Variants in PNKD observed in about 807,000 individuals in gnomAD.
The protein encoded by PNKD is PNKD metallo-beta-lactamase domain containing, also known as probable thioesterase PNKD.
PNKD carries 36 observed loss-of-function variants against 45.3 expected under a neutral mutation model. The ratio of observed to expected loss-of-function variants is 0.80; its 90% CI spans 0.61 to 1.05. The LOEUF (loss-of-function observed/expected upper bound fraction) is 1.05. Among genes scored for constraint, PNKD ranks in the 50% least tolerant of loss-of-function variants. The pLI, the probability that PNKD is intolerant of heterozygous loss-of-function variation, is 0.00. For missense variants in PNKD, 511 were observed against 506.6 expected (o/e 1.01, Z -0.08); for synonymous variants, 197 against 210.1 (o/e 0.94, Z 0.54).
At chr2:218,270,853 C>A (rs1412344898) in intron 1 of PNKD, 1 of 390,414 alleles carries the variant, frequency 2.6e-6, no homozygotes, top group Non-Finnish European at 4.5e-6. Flanking sequence ...TCCCGCGCTC[C>A]AGGTGTTTCA....
intron 2 of PNKD, chr2:218,323,253 G>A (rs748395743): frequency 2.0e-6 from 3 of 1,482,588 alleles, no homozygotes; most frequent in South Asian, 1.3e-5. Flanking sequence ...CGGCCGGCGC[G>A]TGCCTGCCCC....
At chr2:218,272,575 T>A (rs2106179077) in intron 2 of PNKD, 1 of 1,613,764 alleles carries the variant, frequency 6.2e-7, no homozygotes, top group South Asian at 1.1e-5. Flanking sequence ...CGTAGGGCCA[T>A]CGGCTTCCCT....
At chr2:218,277,020 A>G in intron 2 of PNKD, 1 of 1,614,112 alleles carries the variant, frequency 6.2e-7, no homozygotes, top group Non-Finnish European at 8.5e-7. Flanking sequence ...GAAGTAGAGC[A>G]CAATGCTAGT....
Position 218,297,035 on chromosome 2 carries a change from G to A in PNKD, c.236+25486G>A, listed in dbSNP as rs144051242. Among the ~76,000 whole-genome samples the A allele has an allele frequency of 8.3e-4, 127 of 152,340 alleles. No individual in the cohort carries two copies. The Middle Eastern group carries it at 0.01, about 12-fold the overall frequency. ...AATTGAGGCATTGAACCCAGCCTGA[G>A]GTGAAAGTGCCTGTTTCTCCCCACT... On this transcript the variant is annotated intron_variant, in intron 2 of 9. Transcript: ENST00000273077.
chr2:218,284,140 G>T (rs1214918356), intron 2 of PNKD: 1 of 144,602 alleles, frequency 6.9e-6, no homozygotes, highest in Admixed American at 7.7e-5. Flanking sequence ...CTCCAGCCTG[G>T]GCAACAGAGT....
At chr2:218,276,268 G>C (rs182098016) in intron 2 of PNKD, among the ~76,000 whole-genome samples, 3 of 152,306 alleles carry the variant, frequency 2.0e-5, no homozygotes. Context: ...AGAGAAAGCA[G>C]AGGCCATCCT....
rs111984750 is a variant in PNKD at position 218,333,281 on chromosome 2, A to G, written c.237-6502A>G. Reference sequence around the variant, plus strand: ...GTATTTGCCAGATACAGCGAGTGACAAGGAGGGGCCTTGTTTACTGCGGCT... The same window carrying G: ...GTATTTGCCAGATACAGCGAGTGACGAGGAGGGGCCTTGTTTACTGCGGCT... On this transcript the variant is annotated intron_variant, in intron 2 of 9. Transcript: ENST00000273077. Among the ~76,000 whole-genome samples, 503 of 152,252 alleles carry G rather than the reference A, an allele frequency of 3.3e-3. 2 individuals are homozygous for G. The highest frequency in any genetic ancestry group is 0.012 in the African/African-American group (490 of 41,544).
At chr2:218,278,179 C>T (rs961050834) in intron 2 of PNKD, 1 of 622,402 alleles carries the variant, frequency 1.6e-6, no homozygotes, top group African/African-American at 1.8e-5. Context: ...TGTTGTGGCG[C>T]CAGAAACACC....
intron 2 of PNKD, among the ~76,000 whole-genome samples, chr2:218,337,640 T>C (rs987863753): frequency 6.6e-6 from 1 of 152,192 alleles, no homozygotes; most frequent in Non-Finnish European, 1.5e-5. Flanking sequence ...GGGTCAGTCA[T>C]AGGTGTGCAC....
chr2:218,323,522 C>A (rs1316837906), intron 2 of PNKD: 1 of 1,062,202 alleles, frequency 9.4e-7, no homozygotes, highest in Non-Finnish European at 1.2e-6. Context: ...TGGGGGTGGG[C>A]GTGGCGGTTA....
At chr2:218,279,107 G>A (rs1348085775) in intron 2 of PNKD, 2 of 1,613,908 alleles carry the variant, frequency 1.2e-6, no homozygotes, top group African/African-American at 1.3e-5. Flanking sequence ...GGGCACAGGA[G>A]GACAGGAGTA....
intron 2 of PNKD, chr2:218,277,309 C>T (rs1008726667): frequency 8.5e-6 from 13 of 1,522,492 alleles, no homozygotes; most frequent in South Asian, 2.2e-5. Context: ...TGCCGGGGTC[C>T]GGGCCTGATA....
At chr2:218,314,770 A>C (rs1693726159) in intron 2 of PNKD, among the ~76,000 whole-genome samples, 1 of 151,488 alleles carries the variant, frequency 6.6e-6, no homozygotes, top group South Asian at 2.1e-4. Context: ...GCTTACTGGA[A>C]CCTCCACCTC....
chr2:218,324,199 G>T lies in PNKD; in HGVS notation c.237-15584G>T, dbSNP rs546864769. ...AGCCCCAGGGACACTGAGAGGCAGG[G>T]AAGAAGACAGGCCTCCGAGGCCCCC... On this transcript the variant is annotated intron_variant, in intron 2 of 9. Coordinates refer to ENST00000273077, the MANE Select transcript of PNKD (RefSeq NM_015488.5). 1.3e-5 allele frequency among the ~76,000 whole-genome samples: 2 copies of T among 152,320 alleles called. 1 individual carries two copies. The highest frequency in any genetic ancestry group is 4.1e-4 in the South Asian group (2 of 4,828).
intron 7 of PNKD, 60 bp downstream of exon 7, chr2:218,342,204 G>GC: frequency 3.5e-6 from 5 of 1,428,802 alleles, no homozygotes; most frequent in Non-Finnish European, 4.9e-6. Context: ...AGCCAGGGCA[G>GC]CCACAGTCCC....
chr2:218,275,491 A>G, intron 2 of PNKD: 1 of 1,613,826 alleles, frequency 6.2e-7, no homozygotes, highest in Non-Finnish European at 8.5e-7. Flanking sequence ...GCGATCCCCC[A>G]TCAGCTGCAG....
chr2:218,341,039 T>C (rs1694658369), intron 5 of PNKD: 2 of 584,078 alleles, frequency 3.4e-6, no homozygotes. Context: ...ATGTATTAGA[T>C]ACCTACTGCA....
At chr2:218,319,371 CTT>C (rs35553031) in intron 2 of PNKD, among the ~76,000 whole-genome samples, 28 of 80,194 alleles carry the variant, frequency 3.5e-4, no homozygotes, top group African/African-American at 1.3e-3. Flanking sequence ...TCTTGTTTGT[CTT>C]TTTTTTTTTT....
In PNKD at chr2:218,344,931, C is replaced by T. The variant is rs996443088; in HGVS notation, c.1108C>T (p.Gln370Ter). 8 of 1,614,038 alleles carry T rather than the reference C, an allele frequency of 5.0e-6. No homozygotes were observed. The highest frequency in any genetic ancestry group is 1.1e-5 in the South Asian group (1 of 91,088). Residue 370 changes from glutamine to a stop codon, truncating the protein, a stop_gained, in exon 10 of 10, where the codon CAG becomes TAG. Transcript: ENST00000273077. LOFTEE classifies it high-confidence loss of function. ...TGGGGATGATGACTACTCCCGGGCC[C>T]AGCTCCTGGAAGAGCTCCGCCGGCT... ...PTGDDDYSRA[Q>*]LLEELRRLKD...
Sources: gnomAD v4.1 joint callset for allele counts (sites outside exome capture counted in the v4.1 genomes callset) on GRCh38, gnomAD v4.1.1 for gene constraint, MANE v1.5 for transcripts, NCBI Gene and HGNC (gene_info 2026-07-23, HGNC 2026-07-21) for gene names.